The following CMC2 variants were observed in gnomAD, a reference collection of about 807,000 sequenced individuals.
CMC2 encodes the protein C-X9-C motif containing 2, also known as COX assembly mitochondrial protein 2 homolog.
A neutral mutation model predicts 7.5 loss-of-function variants in CMC2; 5 were observed. The ratio of observed to expected loss-of-function variants is 0.66; its 90% CI spans 0.35 to 1.40. The LOEUF (loss-of-function observed/expected upper bound fraction) is 1.40. CMC2 is among the 40% of genes most tolerant of loss of function. The pLI is 0.04. For synonymous variants in CMC2, 37 were observed against 31.4 expected (o/e 1.18, Z -0.60); for missense variants, 115 against 92.3 (o/e 1.25, Z -1.01).
intron 1 of CMC2, among the ~76,000 whole-genome samples, chr16:81,003,415 A>C (rs1597281637): frequency 2.0e-5 from 3 of 152,364 alleles, no homozygotes; most frequent in African/African-American, 7.2e-5. Context: ...TTACAATGCA[A>C]TAACCTTATG....
At chr16:80,991,664 C>G (rs1597248989) in intron 2 of CMC2, 1 of 212,852 alleles carries the variant, frequency 4.7e-6, no homozygotes, top group Non-Finnish European at 9.6e-6. Context: ...GTACAGAAAC[C>G]TAACACGTAT....
chr16:80,996,033 G>A (rs973517390), intron 2 of CMC2, among the ~76,000 whole-genome samples: 1 of 151,392 alleles, frequency 6.6e-6, no homozygotes, highest in East Asian at 1.9e-4. Flanking sequence ...CGTTTAAATA[G>A]ATTTCAATTT....
chr16:81,006,034 T>C (rs529959956), intron 1 of CMC2, among the ~76,000 whole-genome samples: 50 of 152,112 alleles, frequency 3.3e-4, no homozygotes, highest in African/African-American at 1.1e-3. Context: ...GGAGAGGAGA[T>C]ACGAATGGCA....
Position 80,970,174 on chromosome 16 carries a change from T to C in CMC2, c.*5919A>G, listed in dbSNP as rs1911820185. On this transcript the variant is annotated 3_prime_UTR_variant, in exon 4 of 4. Coordinates refer to ENST00000219400, the MANE Select transcript of CMC2 (RefSeq NM_020188.5). ...AGCTGTCTAGCAAAAAAGAGAAAAC[T>C]GCGGCTACAGTTGCAGGCTCTATAA... The C allele has an allele frequency of 6.6e-6, 1 of 152,120 alleles. No individual in the cohort carries two copies. Among genetic ancestry groups the C allele is most frequent in the Non-Finnish European group, 1.5e-5 (1 of 68,018 alleles). The allele number at this position is 152,120 out of a possible 1,614,324, so 9.4% of individuals were successfully genotyped here. A position where few individuals can be genotyped will look rare whatever the true frequency, so the allele number is the denominator to read the frequency against.
Position 80,971,569 on chromosome 16 carries a change from T to TATAC in CMC2, c.*4523_*4524insGTAT, listed in dbSNP as rs1431962437. The TATAC allele has an allele frequency of 7.2e-6, 1 of 139,578 alleles. No individual in the cohort carries two copies. Among genetic ancestry groups the TATAC allele is most frequent in the Non-Finnish European group, 1.5e-5 (1 of 66,764 alleles). The allele number at this position is 139,578 out of a possible 1,614,324, so 8.6% of individuals were successfully genotyped here. A position where few individuals can be genotyped will look rare whatever the true frequency, so the allele number is the denominator to read the frequency against. ...GATACTGACATACATACATTTTATA[T>TATAC]ATATATATATATATATGTATGAAAT... is the stretch of plus-strand genomic sequence containing the variant. On this transcript the variant is annotated 3_prime_UTR_variant, in exon 4 of 4. Coordinates refer to ENST00000219400, the MANE Select transcript of CMC2 (RefSeq NM_020188.5).
At chr16:80,993,389 G>A (rs2549858) in intron 2 of CMC2, among the ~76,000 whole-genome samples, 98,994 of 151,850 alleles carry the variant, frequency 0.65, 34,021 homozygotes, top group South Asian at 0.8. Flanking sequence ...GGAGGCAAAC[G>A]TCAGAGGAAT....
At chr16:80,994,084 A>T (rs961443029) in intron 2 of CMC2, among the ~76,000 whole-genome samples, 1 of 152,196 alleles carries the variant, frequency 6.6e-6, no homozygotes. Flanking sequence ...GGACCATGGT[A>T]AATCAGCAGG....
rs1363502228 is a variant in CMC2 at position 80,983,921 on chromosome 16, C to CG, written c.82-2045dup. 4 of 151,366 alleles carry CG rather than the reference C, an allele frequency of 2.6e-5. No homozygotes were observed. The Admixed American group carries it at 2.7e-4, about 10-fold the overall frequency. The allele number at this position is 151,366 out of a possible 1,614,324, so 9.4% of individuals were successfully genotyped here. A position where few individuals can be genotyped will look rare whatever the true frequency, so the allele number is the denominator to read the frequency against. Reference sequence around the variant, plus strand: ...GCTTGAACCTGGGAGGTGGAGGTTGCGGTGAGCTGAGATCGCACCATTGCA... The same window carrying CG: ...GCTTGAACCTGGGAGGTGGAGGTTGCGGGTGAGCTGAGATCGCACCATTGCA... On this transcript the variant is annotated intron_variant, in intron 2 of 3. Transcript: ENST00000219400.
At chr16:80,984,669 A>G (rs2151625491) in intron 2 of CMC2, among the ~76,000 whole-genome samples, 1 of 152,322 alleles carries the variant, frequency 6.6e-6, no homozygotes, top group South Asian at 2.1e-4. Context: ...CAACAAATAA[A>G]CATGACAATG....
rs376825751 is a variant in CMC2, at chr16:80,966,822, T to C, written c.*9271A>G. On this transcript the variant is annotated 3_prime_UTR_variant, in exon 4 of 4. Transcript: ENST00000219400. ...TCTTTATATAATCACCATATAGTCATACATACAGACACACGAAATCTTCAT... is the reference window on the plus strand; with the variant it reads ...TCTTTATATAATCACCATATAGTCACACATACAGACACACGAAATCTTCAT... The C allele has an allele frequency of 6.8e-4, 103 of 152,318 alleles. No homozygotes were observed. The highest frequency in any genetic ancestry group is 2.1e-3 in the African/African-American group (87 of 41,568). 9.4% of individuals were successfully genotyped at this position (152,318 alleles called of 1,614,324 possible).
intron 2 of CMC2, among the ~76,000 whole-genome samples, chr16:80,984,276 G>C (rs756614498): frequency 2.0e-5 from 3 of 152,176 alleles, no homozygotes; most frequent in Non-Finnish European, 1.5e-5. Flanking sequence ...ATGGTGATCT[G>C]TTTTATAATG....
At chr16:80,984,463 A>G (rs182506410) in intron 2 of CMC2, among the ~76,000 whole-genome samples, 21 of 152,330 alleles carry the variant, frequency 1.4e-4, no homozygotes, top group Admixed American at 5.2e-4. Context: ...TCCACACTGA[A>G]TAAGTGGTCA....
chr16:80,978,398 AG>A lies in CMC2; in HGVS notation c.154-2220del, dbSNP rs766113506. 78 of 1,265,986 alleles carry A rather than the reference AG, an allele frequency of 6.2e-5. 2 individuals carry two copies. The South Asian group carries it at 8.0e-4, about 13-fold the overall frequency. The allele number at this position is 1,265,986 out of a possible 1,614,324, so 78.4% of individuals were successfully genotyped here. A position where few individuals can be genotyped will look rare whatever the true frequency, so the allele number is the denominator to read the frequency against. On this transcript the variant is annotated intron_variant, in intron 3 of 3. Transcript: ENST00000219400. ...TTAAAATATGCTAAGACATCTCCAAAGGAAGTCCAGATGGTCCCTGAATAAA... is the reference window on the plus strand; with the variant it reads ...TTAAAATATGCTAAGACATCTCCAAAGAAGTCCAGATGGTCCCTGAATAAA...
At chr16:80,996,996 C>A (rs774957909) in intron 2 of CMC2, 9 of 471,176 alleles carry the variant, frequency 1.9e-5, no homozygotes, top group Non-Finnish European at 3.3e-5. Context: ...GAAGTGTCAG[C>A]GCTGAATATA....
rs746535730 is a variant in CMC2, at chr16:80,972,040, G to T, written c.*4053C>A. On this transcript the variant is annotated 3_prime_UTR_variant, in exon 4 of 4. Coordinates refer to ENST00000219400, the MANE Select transcript of CMC2 (RefSeq NM_020188.5). ...CTGTCCTCCCATGTGACCAGCTGCCGGTGAGATCAGACTAGAGCTTAGAGG... is the reference window on the plus strand; with the variant it reads ...CTGTCCTCCCATGTGACCAGCTGCCTGTGAGATCAGACTAGAGCTTAGAGG... 1 of 152,064 alleles carries T rather than the reference G, an allele frequency of 6.6e-6. No individual in the cohort carries two copies. Among genetic ancestry groups the T allele is most frequent in the East Asian group, 1.9e-4 (1 of 5,190 alleles). 9.4% of individuals were successfully genotyped at this position (152,064 alleles called of 1,614,324 possible). A position where few individuals can be genotyped will look rare whatever the true frequency, so the allele number is the denominator to read the frequency against.
At chr16:80,979,644 A>T (rs1351802848) in intron 3 of CMC2, among the ~76,000 whole-genome samples, 4 of 151,944 alleles carry the variant, frequency 2.6e-5, no homozygotes, top group Non-Finnish European at 5.9e-5. Context: ...TTAGAGACAG[A>T]GTCTCTCACT....
intron 1 of CMC2, among the ~76,000 whole-genome samples, chr16:81,003,509 G>A (rs979200749): frequency 2.6e-5 from 4 of 152,108 alleles, no homozygotes; most frequent in Non-Finnish European, 5.9e-5. Context: ...CATTTTCATA[G>A]AGAAACTAAG....
chr16:80,977,383 T>A (rs1912523681), intron 3 of CMC2, among the ~76,000 whole-genome samples: 1 of 152,196 alleles, frequency 6.6e-6, no homozygotes, highest in Non-Finnish European at 1.5e-5. Context: ...TTATAATACA[T>A]ACACCAATCC....
intron 1 of CMC2, 180 bp from the exon 2 acceptor site, chr16:80,997,609 A>T: frequency 2.2e-6 from 1 of 447,564 alleles, no homozygotes; most frequent in Non-Finnish European, 4.0e-6. Flanking sequence ...GATTTAAGAT[A>T]TTCAGCAAGT....
Sources: gnomAD v4.1 joint callset for allele counts (sites outside exome capture counted in the v4.1 genomes callset) on GRCh38, gnomAD v4.1.1 for gene constraint, MANE v1.5 for transcripts, NCBI Gene and HGNC (gene_info 2026-07-23, HGNC 2026-07-21) for gene names.